Variants in TYW1 observed in about 807,000 individuals in gnomAD.
TYW1 encodes S-adenosyl-L-methionine-dependent tRNA 4-demethylwyosine synthase TYW1.
In TYW1, 46 loss-of-function variants were observed where a neutral mutation model predicts 96.2. The observed-to-expected ratio is 0.48, with a 90% CI of 0.38 to 0.61. TYW1 has a LOEUF of 0.61. Among genes scored for constraint, TYW1 ranks in the 20% least tolerant of loss-of-function variants. The pLI is 0.00. For synonymous variants in TYW1, 274 were observed against 323.0 expected (o/e 0.85, Z 1.63); for missense variants, 684 against 909.6 (o/e 0.75, Z 3.19).
At chr7:67,177,971 A>G (rs1456247226) in intron 13 of TYW1, among the ~76,000 whole-genome samples, 3 of 147,676 alleles carry the variant, frequency 2.0e-5, no homozygotes, top group African/African-American at 7.6e-5. Context: ...CTGGGCAACA[A>G]AGTGAGAGCC....
chr7:67,126,517 G>A (rs1393341991), intron 13 of TYW1, among the ~76,000 whole-genome samples: 1 of 151,868 alleles, frequency 6.6e-6, no homozygotes, highest in East Asian at 1.9e-4. Flanking sequence ...CCTTTGGTTT[G>A]CTATCTAAAA....
At chr7:67,081,957 T>A (rs917309020) in intron 10 of TYW1, among the ~76,000 whole-genome samples, 1 of 149,738 alleles carries the variant, frequency 6.7e-6, no homozygotes, top group African/African-American at 2.5e-5. Context: ...ACCTTCAAGT[T>A]TTCTGTTTGG....
At chr7:67,154,713 C>T (rs13229085) in intron 13 of TYW1, among the ~76,000 whole-genome samples, 39,445 of 149,846 alleles carry the variant, frequency 0.26, 5,606 homozygotes, top group African/African-American at 0.38. Flanking sequence ...ATCTGGTTGT[C>T]TATCTCTCTC....
At chr7:67,118,901 A>C (rs1475810963) in intron 13 of TYW1, among the ~76,000 whole-genome samples, 3 of 128,382 alleles carry the variant, frequency 2.3e-5, no homozygotes, top group African/African-American at 9.8e-5. Flanking sequence ...AAAAAAAAAA[A>C]AAAAAAGGGT....
intron 5 of TYW1, among the ~76,000 whole-genome samples, chr7:67,016,551 A>C (rs1360831310): frequency 1.3e-5 from 2 of 152,188 alleles, no homozygotes; most frequent in Non-Finnish European, 2.9e-5. Context: ...CTGTCTCAAA[A>C]AAAATAAATA....
At chr7:67,084,951 G>A (rs1796501479) in intron 11 of TYW1, among the ~76,000 whole-genome samples, 1 of 152,158 alleles carries the variant, frequency 6.6e-6, no homozygotes, top group African/African-American at 2.4e-5. Flanking sequence ...GTTCCCTGTT[G>A]AATCTCTATG....
intron 11 of TYW1, among the ~76,000 whole-genome samples, 186 bp downstream of exon 11, chr7:67,083,725 G>A (rs1796452631): frequency 6.6e-6 from 1 of 152,196 alleles, no homozygotes; most frequent in Non-Finnish European, 1.5e-5. Flanking sequence ...TATGATGGAA[G>A]AACTAAAAAT....
chr7:67,041,849 G>A (rs1795033308), intron 7 of TYW1, among the ~76,000 whole-genome samples: 1 of 151,702 alleles, frequency 6.6e-6, no homozygotes, highest in Non-Finnish European at 1.5e-5. Context: ...CTGTGCTTCC[G>A]TTTTCTCATT....
At chr7:67,227,643 G>A (rs1251547588) in intron 15 of TYW1, among the ~76,000 whole-genome samples, 1 of 151,974 alleles carries the variant, frequency 6.6e-6, no homozygotes, top group African/African-American at 2.4e-5. Flanking sequence ...CTCTGGAGGG[G>A]CTGGAAATTA....
intron 5 of TYW1, among the ~76,000 whole-genome samples, chr7:67,016,266 G>A (rs549861350): frequency 3.6e-5 from 5 of 137,800 alleles, no homozygotes; most frequent in African/African-American, 1.1e-4. Context: ...AGCTGTTTAC[G>A]GCCGGGCGCA....
At chr7:67,039,178 C>T (rs1030254037) in intron 7 of TYW1, among the ~76,000 whole-genome samples, 12 of 152,130 alleles carry the variant, frequency 7.9e-5, no homozygotes, top group Admixed American at 3.9e-4. Context: ...ACAAGTAGGC[C>T]GGGTGCAGTG....
At chr7:67,046,045 T>A (rs1795176341) in intron 7 of TYW1, among the ~76,000 whole-genome samples, 1 of 152,150 alleles carries the variant, frequency 6.6e-6, no homozygotes, top group South Asian at 2.1e-4. Flanking sequence ...TCTGTCTCCC[T>A]GAGTTAGAGG....
chr7:67,062,420 A>AT (rs1158631783), intron 9 of TYW1, among the ~76,000 whole-genome samples: 1 of 150,870 alleles, frequency 6.6e-6, no homozygotes, highest in East Asian at 1.9e-4. Context: ...AAAAAAAAAA[A>AT]GTACTTGTTG....
chr7:67,032,636 A>G (rs1465673597), intron 7 of TYW1, among the ~76,000 whole-genome samples: 2 of 151,996 alleles, frequency 1.3e-5, no homozygotes, highest in Admixed American at 6.6e-5. Context: ...AAAAAAAAGA[A>G]AAGTGGGGAA....
intron 3 of TYW1, among the ~76,000 whole-genome samples, chr7:67,002,223 A>AT (rs1468836940): frequency 6.6e-6 from 1 of 151,230 alleles, no homozygotes; most frequent in African/African-American, 2.4e-5. Flanking sequence ...AATTAAAAAA[A>AT]TTTTTTTTGT....
chr7:67,203,206 T>C (rs1800659001), intron 15 of TYW1, among the ~76,000 whole-genome samples: 1 of 152,254 alleles, frequency 6.6e-6, no homozygotes, highest in South Asian at 2.1e-4. Context: ...GGAAGAAGGA[T>C]ATATAAACAG....
chr7:67,176,745 T>TTGA (rs1243546436), intron 13 of TYW1, among the ~76,000 whole-genome samples: 1 of 152,206 alleles, frequency 6.6e-6, no homozygotes, highest in Non-Finnish European at 1.5e-5. Flanking sequence ...CACCATACTC[T>TTGA]TTCAGAAGGA....
At chr7:67,180,325 A>AT (rs1305274698) in intron 13 of TYW1, among the ~76,000 whole-genome samples, 2 of 123,062 alleles carry the variant, frequency 1.6e-5, no homozygotes, top group Non-Finnish European at 3.3e-5. Flanking sequence ...ATGGGTTGGG[A>AT]TTCATTCTGG....
In TYW1 at chr7:67,238,361, G is replaced by A. The variant is rs1206138189; in HGVS notation, c.2031G>A (p.Glu677=). The A allele has an allele frequency of 1.2e-6, 2 of 1,613,166 alleles. No homozygotes were observed. The highest frequency in any genetic ancestry group is 1.1e-5 in the South Asian group (1 of 91,056). The stretch of plus-strand genomic sequence containing the variant: ...GGATCGATTATAACCGCTTCCAGGA[G>A]CTCATCCAGGAATATGAAGATAGTG... ...WTWIDYNRFQ[E]LIQEYEDSGG... is the part of the protein sequence containing the mutation. The change falls in exon 16 of 16, where the codon GAG becomes GAA. Residue 677 remains glutamate, a synonymous_variant. Coordinates refer to ENST00000359626, the MANE Select transcript of TYW1 (RefSeq NM_018264.4).
Sources: gnomAD v4.1 joint callset for allele counts (sites outside exome capture counted in the v4.1 genomes callset) on GRCh38, gnomAD v4.1.1 for gene constraint, MANE v1.5 for transcripts, NCBI Gene and HGNC (gene_info 2026-07-23, HGNC 2026-07-21) for gene names.